The following S1PR4 variants were observed in gnomAD, a reference collection of about 807,000 sequenced individuals.
S1PR4 encodes the protein sphingosine 1-phosphate receptor 4.
A neutral mutation model predicts 0.4 loss-of-function variants in S1PR4; 1 was observed. The ratio of observed to expected loss-of-function variants is 2.48; its 90% confidence interval spans 0.88 to 11.76. The LOEUF (loss-of-function observed/expected upper bound fraction) is 11.76. Ranked by LOEUF, S1PR4 falls within the 30% of genes most tolerant of loss-of-function variation. S1PR4 has a pLI of 0.12. For synonymous variants in S1PR4, 296 were observed against 266.7 expected, an observed-to-expected ratio of 1.11 and a Z score of -1.07; for missense variants, 595 against 557.8, an observed-to-expected ratio of 1.07 and a Z score of -0.67.
chr19:3,179,234 G>T lies in S1PR4; in HGVS notation c.442G>T (p.Val148Leu). 1 of 1,599,418 alleles carries T rather than the reference G, an allele frequency of 6.3e-7. No homozygotes were observed. The highest frequency in any genetic ancestry group is 8.5e-7 in the Non-Finnish European group (1 of 1,172,460). ...FTAGERFATMVRPVAESGATK... is the reference protein window; with the variant it reads ...FTAGERFATMLRPVAESGATK... ...TGCAGGGGAGCGCTTTGCCACCATGGTGCGGCCGGTGGCCGAGAGCGGGGC... is the reference window on the plus strand; with the variant it reads ...TGCAGGGGAGCGCTTTGCCACCATGTTGCGGCCGGTGGCCGAGAGCGGGGC... The change falls in exon 1 of 1, where the codon GTG becomes TTG. Residue 148 changes from valine (V) to leucine (L), a missense_variant. Val to Leu is a conservative substitution (Grantham distance 32). Coordinates refer to ENST00000246115, the MANE Select transcript of S1PR4 (RefSeq NM_003775.4).
rs1878627265 is a variant in S1PR4 at position 3,180,079 on chromosome 19, T to C, written c.*132T>C. 2.3e-6 allele frequency: 2 copies of C among 860,202 alleles called. No homozygotes were observed. The highest frequency in any genetic ancestry group is 6.7e-5 in the Admixed American group (2 of 29,652). 53.3% of individuals were successfully genotyped at this position (860,202 alleles called of 1,614,324 possible). ...GGGAACGGGACAGGCCCCCATGGTC[T>C]TCCCGGTGGCCTCTCGGGGCTTCTG... On this transcript the variant is annotated 3_prime_UTR_variant, in exon 1 of 1. Transcript: ENST00000246115.
In S1PR4 at chr19:3,179,563, G is replaced by A. The variant is rs1211584241; in HGVS notation, c.771G>A (p.Leu257=). ...TGCTGAAGACGGTGCTGATGATCCT[G>A]CTGGCCTTCCTGGTGTGCTGGGGCC... ...RRLLKTVLMI[L]LAFLVCWGPL... Residue 257 remains leucine (L), a synonymous_variant, in exon 1 of 1, where the codon CTG becomes CTA. Transcript: ENST00000246115. 1.2e-6 allele frequency: 2 copies of A among 1,612,926 alleles called. No homozygotes were observed. The highest frequency in any genetic ancestry group is 1.3e-5 in the African/African-American group (1 of 75,046).
At position 3,179,442 on chromosome 19, in the gene S1PR4, C is replaced by T. The variant is rs765560005; in HGVS notation, c.650C>T (p.Ala217Val). The T allele has an allele frequency of 1.3e-5, 21 of 1,613,274 alleles. 1 individual carries two copies. The East Asian group carries it at 4.2e-4, about 33-fold the overall frequency. Residue 217 changes from alanine to valine, a missense_variant, in exon 1 of 1, where the codon GCC (alanine) becomes GTC (valine). Transcript: ENST00000246115. ...CTGGTGATCTTCGCCGGCGTCCTGG[C>T]CACCATCATGGGCCTCTATGGGGCC... Reference protein sequence around the residue: ...FCLVIFAGVLATIMGLYGAIF... With the variant: ...FCLVIFAGVLVTIMGLYGAIF...
In S1PR4 at chr19:3,180,038, G is replaced by C; in HGVS notation, c.*91G>C. 7.9e-7 allele frequency: 1 copy of C among 1,261,474 alleles called. No homozygotes were observed. Among genetic ancestry groups the C allele is most frequent in the East Asian group, 2.5e-5 (1 of 39,740 alleles). The allele number at this position is 1,261,474 out of a possible 1,614,324, so 78.1% of individuals were successfully genotyped here. A position where few individuals can be genotyped will look rare whatever the true frequency, so the allele number is the denominator to read the frequency against. ...CAGGAAGCTGTGTGCACGCAGCCTC[G>C]CCTGTATGGGGAGCAGGGAACGGGA... On this transcript the variant is annotated 3_prime_UTR_variant, in exon 1 of 1. Transcript: ENST00000246115.
chr19:3,180,226 A>T lies in S1PR4; in HGVS notation c.*279A>T, dbSNP rs1915522862. The T allele has an allele frequency of 2.5e-6, 1 of 400,448 alleles. No individual in the cohort carries two copies. The allele number at this position is 400,448 out of a possible 1,614,324, so 24.8% of individuals were successfully genotyped here. On this transcript the variant is annotated 3_prime_UTR_variant, in exon 1 of 1. Coordinates refer to ENST00000246115, the MANE Select transcript of S1PR4 (RefSeq NM_003775.4). ...TTCCCCACAACCCCGCTTCTGTGTG[A>T]TTCTGGGGAAGTCCCGGCCCCTCTC...
Position 3,179,692 on chromosome 19 carries a change from G to A in S1PR4, c.900G>A (p.Ser300=), listed in dbSNP as rs139982076. The A allele has an allele frequency of 1.2e-4, 186 of 1,613,396 alleles. No homozygotes were observed. The highest frequency in any genetic ancestry group is 1.0e-3 in the African/African-American group (77 of 75,060). The part of the protein sequence containing the change: ...DWILALAVLN[S]AVNPIIYSFR... ...TCCTGGCCCTGGCCGTCCTCAACTC[G>A]GCGGTCAACCCCATCATCTACTCCT... Residue 300 remains serine (S), a synonymous_variant, in exon 1 of 1, where the codon TCG becomes TCA. Transcript: ENST00000246115.
chr19:3,179,774 C>T lies in S1PR4; in HGVS notation c.982C>T (p.Arg328Trp), dbSNP rs759238446. Residue 328 changes from arginine to tryptophan, a missense_variant, in exon 1 of 1, where the codon CGG becomes TGG. Arg to Trp is a moderately radical substitution (Grantham distance 101). Coordinates refer to ENST00000246115, the MANE Select transcript of S1PR4 (RefSeq NM_003775.4). The stretch of plus-strand genomic sequence containing the variant: ...CAGCTTCCTCTGCTGCGGGTGTCTC[C>T]GGCTGGGCATGCGAGGGCCCGGGGA... ...VLSFLCCGCLRLGMRGPGDCL... is the reference protein window; with the variant it reads ...VLSFLCCGCLWLGMRGPGDCL... 3.7e-5 allele frequency: 60 copies of T among 1,608,588 alleles called. No homozygotes were observed. The South Asian group carries it at 4.2e-4, about 11-fold the overall frequency.
Position 3,179,551 on chromosome 19 carries a change from G to T in S1PR4, c.759G>T (p.Val253=), listed in dbSNP as rs768048518. 2 of 1,612,864 alleles carry T rather than the reference G, an allele frequency of 1.2e-6. No homozygotes were observed. The highest frequency in any genetic ancestry group is 8.5e-7 in the Non-Finnish European group (1 of 1,179,818). ...RRKARRLLKT[V]LMILLAFLVC... is the part of the protein sequence containing the mutation. ...AGGCCCGCCGCCTGCTGAAGACGGT[G>T]CTGATGATCCTGCTGGCCTTCCTGG... The change falls in exon 1 of 1, where the codon GTG becomes GTT. Residue 253 remains valine, a synonymous_variant. Coordinates refer to ENST00000246115, the MANE Select transcript of S1PR4 (RefSeq NM_003775.4).
At position 3,179,014 on chromosome 19, in the gene S1PR4, C is replaced by T; in HGVS notation, c.222C>T (p.His74=). ...NLLVLAAITS[H]MRSRRWVYYC... ...TGGTGCTGGCGGCCATCACCAGCCACATGCGGTCGCGACGCTGGGTCTACT... is the reference window on the plus strand; with the variant it reads ...TGGTGCTGGCGGCCATCACCAGCCATATGCGGTCGCGACGCTGGGTCTACT... Residue 74 remains histidine, a synonymous_variant, in exon 1 of 1, where the codon CAC becomes CAT. Coordinates refer to ENST00000246115, the MANE Select transcript of S1PR4 (RefSeq NM_003775.4). 6.3e-7 allele frequency: 1 copy of T among 1,597,940 alleles called. No individual in the cohort carries two copies. Among genetic ancestry groups the T allele is most frequent in the Non-Finnish European group, 8.5e-7 (1 of 1,176,612 alleles).
In S1PR4 at chr19:3,179,521, C is replaced by G; in HGVS notation, c.729C>G (p.Arg243=). Residue 243 remains arginine (R), a synonymous_variant, in exon 1 of 1, where the codon CGC becomes CGG. Coordinates refer to ENST00000246115, the MANE Select transcript of S1PR4 (RefSeq NM_003775.4). ...SGQKAPRPAA[R]RKARRLLKTV... is the part of the protein sequence containing the mutation. ...AGAAGGCCCCACGCCCAGCGGCCCG[C>G]CGCAAGGCCCGCCGCCTGCTGAAGA... 1 of 1,611,426 alleles carries G rather than the reference C, an allele frequency of 6.2e-7. No individual in the cohort carries two copies. The highest frequency in any genetic ancestry group is 8.5e-7 in the Non-Finnish European group (1 of 1,179,072).
In S1PR4 at chr19:3,178,911, G is replaced by C. The variant is rs865950235; in HGVS notation, c.119G>C (p.Gly40Ala). ...TCGGGCCGGCTGGCCGGGCGCGGGGGGCCGGAGGATGGCGGCCTGGGGGCC... is the reference window on the plus strand; with the variant it reads ...TCGGGCCGGCTGGCCGGGCGCGGGGCGCCGGAGGATGGCGGCCTGGGGGCC... The part of the protein sequence containing the change: ...NHSGRLAGRG[G>A]PEDGGLGALR... The change falls in exon 1 of 1, where the codon GGG becomes GCG. Residue 40 changes from glycine to alanine, a missense_variant. Transcript: ENST00000246115. 2.0e-6 allele frequency: 3 copies of C among 1,524,346 alleles called. No homozygotes were observed. The highest frequency in any genetic ancestry group is 2.8e-5 in the African/African-American group (2 of 72,212). 94.4% of individuals were successfully genotyped at this position (1,524,346 alleles called of 1,614,324 possible).
rs755375283 is a variant in S1PR4, at chr19:3,179,413, C to T, written c.621C>T (p.Phe207=). 1 of 1,613,372 alleles carries T rather than the reference C, an allele frequency of 6.2e-7. No homozygotes were observed. The highest frequency in any genetic ancestry group is 1.1e-5 in the South Asian group (1 of 91,088). Residue 207 remains phenylalanine (F), a synonymous_variant, in exon 1 of 1, where the codon TTC becomes TTT. Transcript: ENST00000246115. The part of the protein sequence containing the change: ...LPLYSKRYIL[F]CLVIFAGVLA... ...TCTACTCCAAGCGCTACATCCTCTT[C>T]TGCCTGGTGATCTTCGCCGGCGTCC...
Position 3,178,902 on chromosome 19 carries a change from G to A in S1PR4, c.110G>A (p.Gly37Glu), listed in dbSNP as rs1276212599. 1 of 1,523,830 alleles carries A rather than the reference G, an allele frequency of 6.6e-7. No individual in the cohort carries two copies. Among genetic ancestry groups the A allele is most frequent in the Non-Finnish European group, 8.8e-7 (1 of 1,141,338 alleles). The allele number at this position is 1,523,830 out of a possible 1,614,324, so 94.4% of individuals were successfully genotyped here. A position where few individuals can be genotyped will look rare whatever the true frequency, so the allele number is the denominator to read the frequency against. Residue 37 changes from glycine (G) to glutamate (E), a missense_variant, in exon 1 of 1, where the codon GGG (glycine) becomes GAG (glutamate). Coordinates refer to ENST00000246115, the MANE Select transcript of S1PR4 (RefSeq NM_003775.4). ...LHYNHSGRLAGRGGPEDGGLG... is the reference protein window; with the variant it reads ...LHYNHSGRLAERGGPEDGGLG... ...TACAACCACTCGGGCCGGCTGGCCG[G>A]GCGCGGGGGGCCGGAGGATGGCGGC...
At position 3,178,906 on chromosome 19, in the gene S1PR4, C is replaced by A. The variant is rs748058371; in HGVS notation, c.114C>A (p.Arg38=). ...ACCACTCGGGCCGGCTGGCCGGGCGCGGGGGGCCGGAGGATGGCGGCCTGG... is the reference window on the plus strand; with the variant it reads ...ACCACTCGGGCCGGCTGGCCGGGCGAGGGGGGCCGGAGGATGGCGGCCTGG... ...HYNHSGRLAG[R]GGPEDGGLGA... Residue 38 remains arginine (R), a synonymous_variant, in exon 1 of 1, where the codon CGC becomes CGA. Transcript: ENST00000246115. 3.0e-5 allele frequency: 46 copies of A among 1,522,568 alleles called. No individual in the cohort carries two copies. In the East Asian group the frequency reaches 1.0e-3, roughly 33 times the overall value. The allele number at this position is 1,522,568 out of a possible 1,614,324, so 94.3% of individuals were successfully genotyped here.
In S1PR4 at chr19:3,180,210, A is replaced by G; in HGVS notation, c.*263A>G. On this transcript the variant is annotated 3_prime_UTR_variant, in exon 1 of 1. Coordinates refer to ENST00000246115, the MANE Select transcript of S1PR4 (RefSeq NM_003775.4). ...TGTGGGGGCGAGTGGGTTCCCCACAACCCCGCTTCTGTGTGATTCTGGGGA... is the reference window on the plus strand; with the variant it reads ...TGTGGGGGCGAGTGGGTTCCCCACAGCCCCGCTTCTGTGTGATTCTGGGGA... The G allele has an allele frequency of 2.4e-6, 1 of 410,986 alleles. No individual in the cohort carries two copies. The allele number at this position is 410,986 out of a possible 1,614,324, so 25.5% of individuals were successfully genotyped here. A position where few individuals can be genotyped will look rare whatever the true frequency, so the allele number is the denominator to read the frequency against.
In S1PR4 at chr19:3,179,310, C is replaced by T; in HGVS notation, c.518C>T (p.Ala173Val). ...TTCATCGGCCTCTGCTGGCTGCTGG[C>T]CGCGCTGCTGGGGATGCTGCCTTTG... is the stretch of plus-strand genomic sequence containing the variant. Reference protein sequence around the residue: ...YGFIGLCWLLAALLGMLPLLG... With the variant: ...YGFIGLCWLLVALLGMLPLLG... The change falls in exon 1 of 1, where the codon GCC becomes GTC. Residue 173 changes from alanine to valine, a missense_variant. Coordinates refer to ENST00000246115, the MANE Select transcript of S1PR4 (RefSeq NM_003775.4). 1 of 1,610,836 alleles carries T rather than the reference C, an allele frequency of 6.2e-7. No individual in the cohort carries two copies. Among genetic ancestry groups the T allele is most frequent in the Non-Finnish European group, 8.5e-7 (1 of 1,178,806 alleles).
Position 3,178,875 on chromosome 19 carries a change from A to G in S1PR4, c.83A>G (p.His28Arg), listed in dbSNP as rs1342973433. The change falls in exon 1 of 1, where the codon CAC becomes CGC. Residue 28 changes from histidine (H) to arginine (R), a missense_variant. Physicochemically the swap from His to Arg is conservative, Grantham distance 29. Coordinates refer to ENST00000246115, the MANE Select transcript of S1PR4 (RefSeq NM_003775.4). ...AGGHSRLIVL[H>R]YNHSGRLAGR... ...GGGCACAGCCGGCTCATTGTTCTGC[A>G]CTACAACCACTCGGGCCGGCTGGCC... is the stretch of plus-strand genomic sequence containing the variant. 5 of 1,538,212 alleles carry G rather than the reference A, an allele frequency of 3.3e-6. No homozygotes were observed. The highest frequency in any genetic ancestry group is 4.4e-6 in the Non-Finnish European group (5 of 1,147,478).
chr19:3,179,694 C>T lies in S1PR4; in HGVS notation c.902C>T (p.Ala301Val), dbSNP rs764758959. 12 of 1,613,266 alleles carry T rather than the reference C, an allele frequency of 7.4e-6. No individual in the cohort carries two copies. Among genetic ancestry groups the T allele is most frequent in the Non-Finnish European group, 9.3e-6 (11 of 1,180,008 alleles). Reference protein sequence around the residue: ...WILALAVLNSAVNPIIYSFRS... With the variant: ...WILALAVLNSVVNPIIYSFRS... Reference sequence around the variant, plus strand: ...CTGGCCCTGGCCGTCCTCAACTCGGCGGTCAACCCCATCATCTACTCCTTC... The same window carrying T: ...CTGGCCCTGGCCGTCCTCAACTCGGTGGTCAACCCCATCATCTACTCCTTC... The change falls in exon 1 of 1, where the codon GCG becomes GTG. Residue 301 changes from alanine (A) to valine (V), a missense_variant. Transcript: ENST00000246115.
chr19:3,178,824 A>C lies in S1PR4; in HGVS notation c.32A>C (p.Glu11Ala), dbSNP rs1414860860. Residue 11 changes from glutamate to alanine, a missense_variant, in exon 1 of 1, where the codon GAG (glutamate) becomes GCG (alanine). Coordinates refer to ENST00000246115, the MANE Select transcript of S1PR4 (RefSeq NM_003775.4). MNATGTPVAP[E>A]SCQQLAAGGH... ...GCCACGGGGACCCCGGTGGCCCCCGAGTCCTGCCAACAGCTGGCGGCCGGC... is the reference window on the plus strand; with the variant it reads ...GCCACGGGGACCCCGGTGGCCCCCGCGTCCTGCCAACAGCTGGCGGCCGGC... 1 of 1,531,756 alleles carries C rather than the reference A, an allele frequency of 6.5e-7. No homozygotes were observed. Among genetic ancestry groups the C allele is most frequent in the Non-Finnish European group, 8.7e-7 (1 of 1,146,030 alleles). The allele number at this position is 1,531,756 out of a possible 1,614,324, so 94.9% of individuals were successfully genotyped here.
Sources: gnomAD v4.1 joint callset for allele counts on GRCh38, gnomAD v4.1.1 for gene constraint, MANE v1.5 for transcripts, NCBI Gene and HGNC (gene_info 2026-07-23, HGNC 2026-07-21) for gene names.